Variants in NDUFS4 observed in about 807,000 individuals in gnomAD.
NDUFS4 encodes NADH dehydrogenase [ubiquinone] iron-sulfur protein 4, mitochondrial.
A neutral mutation model predicts 24.3 loss-of-function variants in NDUFS4; 28 were observed. The ratio of observed to expected loss-of-function variants is 1.15; its 90% CI spans 0.85 to 1.58. NDUFS4 has a LOEUF of 1.58. NDUFS4 is among the 40% of genes most tolerant of loss of function. NDUFS4 has a pLI of 0.00. For synonymous variants in NDUFS4, 93 were observed against 69.7 expected (o/e 1.34, Z -1.67); for missense variants, 223 against 207.9 (o/e 1.07, Z -0.45).
intron 3 of NDUFS4, among the ~76,000 whole-genome samples, chr5:53,649,385 A>G (rs1481854116): frequency 6.6e-6 from 1 of 151,924 alleles, no homozygotes; most frequent in African/African-American, 2.4e-5. Flanking sequence ...TGGAGTTCCC[A>G]GTGTTTATTG....
intron 2 of NDUFS4, among the ~76,000 whole-genome samples, chr5:53,636,597 G>C (rs1254418374): frequency 6.6e-6 from 1 of 152,052 alleles, no homozygotes; most frequent in African/African-American, 2.4e-5. Flanking sequence ...AAACTAATTT[G>C]TTTGCAAAAC....
intron 2 of NDUFS4, among the ~76,000 whole-genome samples, chr5:53,609,137 G>A (rs1750619170): frequency 6.6e-6 from 1 of 152,198 alleles, no homozygotes; most frequent in African/African-American, 2.4e-5. Context: ...AATGTTCTTA[G>A]TGGCATCTTG....
chr5:53,593,904 T>G (rs1481628802), intron 1 of NDUFS4, among the ~76,000 whole-genome samples: 1 of 152,164 alleles, frequency 6.6e-6, no homozygotes, highest in Non-Finnish European at 1.5e-5. Flanking sequence ...GACTGAGAGC[T>G]TGCATTGTGT....
At chr5:53,620,818 G>T (rs1015502483) in intron 2 of NDUFS4, among the ~76,000 whole-genome samples, 15 of 152,082 alleles carry the variant, frequency 9.9e-5, no homozygotes, top group Non-Finnish European at 2.1e-4. Context: ...CATACTCTAT[G>T]ATTTCAATTT....
At chr5:53,620,440 G>A (rs1368876797) in intron 2 of NDUFS4, among the ~76,000 whole-genome samples, 1 of 152,120 alleles carries the variant, frequency 6.6e-6, no homozygotes, top group Non-Finnish European at 1.5e-5. Context: ...ACAAATTTAT[G>A]TATCATTGTA....
chr5:53,571,495 T>C (rs1749206959), intron 1 of NDUFS4, among the ~76,000 whole-genome samples: 1 of 152,224 alleles, frequency 6.6e-6, no homozygotes, highest in Admixed American at 6.5e-5. Flanking sequence ...GACATTCAGA[T>C]ACAATATTTT....
At chr5:53,604,061 T>C (rs1286540993) in intron 2 of NDUFS4, among the ~76,000 whole-genome samples, 1 of 152,182 alleles carries the variant, frequency 6.6e-6, no homozygotes, top group Non-Finnish European at 1.5e-5. Context: ...TAATAATGTT[T>C]TGTGAATCAG....
In NDUFS4 at chr5:53,593,403, G is replaced by T. The variant is rs1035787837; in HGVS notation, c.99-10049G>T. Among the ~76,000 whole-genome samples, 55 of 145,622 alleles carry T rather than the reference G, an allele frequency of 3.8e-4. No homozygotes were observed. In the Admixed American group the frequency reaches 3.8e-3, roughly 10 times the overall value. ...GTTTCATTTTATATATTAGGGCTTT[G>T]TCTCTCTCTCTCTCTCTCTCTCATC... On this transcript the variant is annotated intron_variant, in intron 1 of 4. Coordinates refer to ENST00000296684, the MANE Select transcript of NDUFS4 (RefSeq NM_002495.4).
chr5:53,568,056 CAG>C (rs1026838496), intron 1 of NDUFS4, among the ~76,000 whole-genome samples: 9 of 152,048 alleles, frequency 5.9e-5, no homozygotes, highest in African/African-American at 1.4e-4. Flanking sequence ...CTTTTAATAA[CAG>C]AGCAATTCAG....
At chr5:53,610,969 TTCTC>T (rs1272534667) in intron 2 of NDUFS4, among the ~76,000 whole-genome samples, 1 of 152,142 alleles carries the variant, frequency 6.6e-6, no homozygotes, top group Non-Finnish European at 1.5e-5. Flanking sequence ...AAACCTCAGA[TTCTC>T]TCTTTTGTGT....
At chr5:53,593,601 T>C (rs1403801895) in intron 1 of NDUFS4, among the ~76,000 whole-genome samples, 3 of 88,638 alleles carry the variant, frequency 3.4e-5, no homozygotes, top group African/African-American at 1.1e-4. Context: ...TATGTTGCCC[T>C]TTTTTTTTTT....
At chr5:53,589,290 G>A (rs1561346450) in intron 1 of NDUFS4, among the ~76,000 whole-genome samples, 1 of 152,144 alleles carries the variant, frequency 6.6e-6, no homozygotes, top group Non-Finnish European at 1.5e-5. Flanking sequence ...TTATCAAACT[G>A]TGTCAGTCAG....
At chr5:53,603,335 C>CTTTT in intron 1 of NDUFS4, 117 bp from the exon 2 acceptor site, 2 of 591,108 alleles carry the variant, frequency 3.4e-6, no homozygotes, top group Admixed American at 3.4e-5. Context: ...TCTTTCCTTT[C>CTTTT]CTTTTTTTTT....
chr5:53,636,715 A>C lies in NDUFS4; in HGVS notation c.178-9518A>C, dbSNP rs993710887. Among the ~76,000 whole-genome samples the C allele has an allele frequency of 2.0e-5, 3 of 152,158 alleles. No homozygotes were observed. In the South Asian group the frequency reaches 6.2e-4, roughly 31 times the overall value. On this transcript the variant is annotated intron_variant, in intron 2 of 4. Transcript: ENST00000296684. ...TGGAGGTGGAGCCTGTTGGGAGGTA[A>C]TTGGATCATCATGGTGGTTGGTCCT...
chr5:53,662,637 G>C (rs1372843060), intron 4 of NDUFS4, among the ~76,000 whole-genome samples: 2 of 151,346 alleles, frequency 1.3e-5, no homozygotes, highest in Non-Finnish European at 2.9e-5. Context: ...GACTTTTTTT[G>C]GTTGGTAATC....
chr5:53,563,569 T>A (rs1579811050), intron 1 of NDUFS4, among the ~76,000 whole-genome samples: 1 of 151,766 alleles, frequency 6.6e-6, no homozygotes, highest in Admixed American at 6.6e-5. Context: ...TGGCACAATC[T>A]CAGTTCACTG....
chr5:53,597,187 T>A (rs893406189), intron 1 of NDUFS4, among the ~76,000 whole-genome samples: 1 of 152,210 alleles, frequency 6.6e-6, no homozygotes, highest in East Asian at 1.9e-4. Flanking sequence ...CAAGGACCTC[T>A]CTGTGGGACA....
chr5:53,661,208 T>C (rs1320118523), intron 4 of NDUFS4, among the ~76,000 whole-genome samples: 1 of 152,220 alleles, frequency 6.6e-6, no homozygotes, highest in African/African-American at 2.4e-5. Flanking sequence ...CAGTTTCAGC[T>C]TTCTACATAT....
intron 2 of NDUFS4, among the ~76,000 whole-genome samples, chr5:53,608,514 T>C (rs958737242): frequency 6.6e-6 from 1 of 150,910 alleles, no homozygotes; most frequent in Non-Finnish European, 1.5e-5. Flanking sequence ...CTTTATCAAC[T>C]AAGTTTATGG....
Sources: gnomAD v4.1 joint callset for allele counts (sites outside exome capture counted in the v4.1 genomes callset) on GRCh38, gnomAD v4.1.1 for gene constraint, MANE v1.5 for transcripts, NCBI Gene and HGNC (gene_info 2026-07-23, HGNC 2026-07-21) for gene names.